The following DNM3 variants were observed in gnomAD, a reference collection of about 807,000 sequenced individuals.
The protein encoded by DNM3 is dynamin 3.
Under a neutral mutation model 101.6 loss-of-function variants are expected in DNM3, and 47 were observed. The ratio of observed to expected loss-of-function variants is 0.46; its 90% confidence interval spans 0.37 to 0.59. DNM3 has a LOEUF of 0.59. DNM3 is among the 20% of genes least tolerant of loss of function. The probability of loss-of-function intolerance (pLI) is 0.00; values close to 1 mark genes in which losing one functional copy is unlikely to be tolerated. For synonymous variants in DNM3, 385 were observed against 387.9 expected, an observed-to-expected ratio of 0.99 and a Z score of 0.09; for missense variants, 849 against 1,085.7, an observed-to-expected ratio of 0.78 and a Z score of 3.06.
intron 15 of DNM3, among the ~76,000 whole-genome samples, chr1:172,307,030 A>C (rs539843740): frequency 7.2e-5 from 11 of 152,348 alleles, no homozygotes; most frequent in Non-Finnish European, 1.0e-4. Flanking sequence ...GACAAATGGG[A>C]TCTAATTAAA....
chr1:172,050,496 C>T (rs1191662406), intron 10 of DNM3, among the ~76,000 whole-genome samples: 1 of 152,106 alleles, frequency 6.6e-6, no homozygotes, highest in Non-Finnish European at 1.5e-5. Context: ...TGACCCAATG[C>T]AGAAAAGACT....
At chr1:172,021,912 TAA>T (rs2047878026) in intron 4 of DNM3, among the ~76,000 whole-genome samples, 1 of 152,240 alleles carries the variant, frequency 6.6e-6, no homozygotes. Context: ...TTACTGCATA[TAA>T]CCTCTTCTAA....
chr1:171,992,548 C>T (rs1289219842), intron 4 of DNM3, among the ~76,000 whole-genome samples: 1 of 152,020 alleles, frequency 6.6e-6, no homozygotes, highest in Non-Finnish European at 1.5e-5. Context: ...TATTAGGTGC[C>T]ACTTAGAAAT....
chr1:172,256,678 T>C (rs931987829), intron 15 of DNM3, among the ~76,000 whole-genome samples: 1 of 151,980 alleles, frequency 6.6e-6, no homozygotes, highest in African/African-American at 2.4e-5. Flanking sequence ...CAATAATTTC[T>C]GTTCTCTTAA....
chr1:172,049,157 A>T (rs1025476956), intron 10 of DNM3, among the ~76,000 whole-genome samples: 1 of 152,206 alleles, frequency 6.6e-6, no homozygotes, highest in African/African-American at 2.4e-5. Flanking sequence ...ATTCCACTTG[A>T]GTCTGGCTGT....
chr1:172,079,631 A>G (rs1010260438), intron 11 of DNM3, among the ~76,000 whole-genome samples: 1 of 152,126 alleles, frequency 6.6e-6, no homozygotes, highest in Admixed American at 6.5e-5. Context: ...TCAATTAATC[A>G]TACTCATTCT....
chr1:172,097,110 G>A (rs139726024), intron 13 of DNM3, among the ~76,000 whole-genome samples: 28 of 152,070 alleles, frequency 1.8e-4, no homozygotes, highest in African/African-American at 6.7e-4. Context: ...AGCAGAAGGT[G>A]CTGATTTAGG....
chr1:172,033,349 A>T (rs2048748341), intron 6 of DNM3, 84 bp downstream of exon 6: 2 of 1,392,812 alleles, frequency 1.4e-6, no homozygotes, highest in South Asian at 1.6e-5. Flanking sequence ...TTTTAAGTTT[A>T]TTTTTTTTTC....
intron 11 of DNM3, among the ~76,000 whole-genome samples, chr1:172,078,931 T>C (rs2052905646): frequency 6.6e-6 from 1 of 152,212 alleles, no homozygotes; most frequent in Non-Finnish European, 1.5e-5. Flanking sequence ...TCTTTAAGAA[T>C]GTTGAATATT....
chr1:171,940,808 T>G (rs2041761788), intron 2 of DNM3, among the ~76,000 whole-genome samples: 1 of 152,192 alleles, frequency 6.6e-6, no homozygotes. Flanking sequence ...TTTTAACATT[T>G]TTATTTTTCT....
intron 2 of DNM3, among the ~76,000 whole-genome samples, chr1:171,968,468 T>C (rs762343608): frequency 6.6e-6 from 1 of 152,172 alleles, no homozygotes; most frequent in African/African-American, 2.4e-5. Context: ...CAAAAAAGGC[T>C]GGGTTGTTTC....
At chr1:172,143,382 C>T (rs2057696230) in intron 14 of DNM3, among the ~76,000 whole-genome samples, 1 of 152,100 alleles carries the variant, frequency 6.6e-6, no homozygotes, top group Admixed American at 6.6e-5. Flanking sequence ...GAGGCAATAA[C>T]ATTTTTCCAG....
At chr1:171,919,992 T>G (rs907347265) in intron 1 of DNM3, among the ~76,000 whole-genome samples, 1 of 152,206 alleles carries the variant, frequency 6.6e-6, no homozygotes, top group African/African-American at 2.4e-5. Context: ...CAAAAGCACA[T>G]ACAAATTTGT....
At chr1:171,877,289 T>C (rs2035870284) in intron 1 of DNM3, among the ~76,000 whole-genome samples, 2 of 152,242 alleles carry the variant, frequency 1.3e-5, no homozygotes, top group Admixed American at 6.5e-5. Context: ...CCAAGGATTT[T>C]ATATCTATTA....
intron 14 of DNM3, among the ~76,000 whole-genome samples, chr1:172,158,826 T>C (rs1338388493): frequency 6.6e-6 from 1 of 152,088 alleles, no homozygotes; most frequent in Non-Finnish European, 1.5e-5. Flanking sequence ...AAATAAAAGA[T>C]TCCCTAATAC....
At chr1:171,967,882 GA>G (rs2125532461) in intron 2 of DNM3, among the ~76,000 whole-genome samples, 1 of 152,278 alleles carries the variant, frequency 6.6e-6, no homozygotes, top group South Asian at 2.1e-4. Flanking sequence ...TGTGAAGAGA[GA>G]TTTGAAGCCT....
downstream of DNM3, among the ~76,000 whole-genome samples, chr1:172,415,598 T>C (rs1463678284): frequency 1.3e-5 from 2 of 149,502 alleles, no homozygotes; most frequent in Non-Finnish European, 3.0e-5. Flanking sequence ...GGTGTGATCT[T>C]GGCTCACTGC....
At chr1:172,076,872 A>G (rs1370297703) in intron 11 of DNM3, among the ~76,000 whole-genome samples, 1 of 152,190 alleles carries the variant, frequency 6.6e-6, no homozygotes, top group Non-Finnish European at 1.5e-5. Flanking sequence ...ATTGTTTGGA[A>G]TAGTTTCAGA....
At chr1:171,852,838 A>G (rs2033135702) in intron 1 of DNM3, among the ~76,000 whole-genome samples, 1 of 152,188 alleles carries the variant, frequency 6.6e-6, no homozygotes, top group South Asian at 2.1e-4. Flanking sequence ...GCTGCTTGGC[A>G]TGGTGTAGTC....
Sources: allele counts gnomAD v4.1 joint callset (sites outside exome capture counted in the v4.1 genomes callset), GRCh38; gene constraint gnomAD v4.1.1; transcripts MANE v1.5; gene names NCBI Gene and HGNC (gene_info 2026-07-23, HGNC 2026-07-21).